The following MYO15A variants were observed in gnomAD, a reference collection of about 807,000 sequenced individuals.
MYO15A encodes myosin XVA, also known as unconventional myosin-XV.
A neutral mutation model predicts 394.6 loss-of-function variants in MYO15A; 308 were observed. That is an observed-to-expected ratio of 0.78 (90% CI 0.71 to 0.86). The LOEUF is 0.86. MYO15A is among the 40% of genes least tolerant of loss of function. The pLI is 0.00. For synonymous variants in MYO15A, 1,957 were observed against 2,003.8 expected (o/e 0.98, Z 0.62); for missense variants, 4,606 against 4,799.1 (o/e 0.96, Z 1.19).
At chr17:18,139,219 A>G in intron 18 of MYO15A, 1 of 606,914 alleles carries the variant, frequency 1.6e-6, no homozygotes, top group Non-Finnish European at 3.0e-6. Flanking sequence ...CACTATGGTC[A>G]CCCTCATCAC....
intron 2 of MYO15A, 186 bp downstream of exon 2, chr17:18,122,595 G>A (rs1342940154): frequency 3.4e-6 from 3 of 876,198 alleles, no homozygotes; most frequent in South Asian, 3.7e-5. Flanking sequence ...TGAACAAGGG[G>A]ATGCCCAGCA....
At chr17:18,142,378 G>A in intron 24 of MYO15A, 124 bp downstream of exon 24, 2 of 1,162,374 alleles carry the variant, frequency 1.7e-6, no homozygotes, top group Non-Finnish European at 2.5e-6. Flanking sequence ...GGAGGCCTCT[G>A]CAGGAGAATG....
intron 13 of MYO15A, 44 bp from the exon 14 acceptor site, chr17:18,136,373 G>A: frequency 6.2e-7 from 1 of 1,612,378 alleles, no homozygotes; most frequent in African/African-American, 1.3e-5. Flanking sequence ...TCCGGAGGCA[G>A]AGTGGCCAGC....
chr17:18,178,939 C>G lies in MYO15A; in HGVS notation c.*69C>G. 1 of 1,494,308 alleles carries G rather than the reference C, an allele frequency of 6.7e-7. No individual in the cohort carries two copies. The highest frequency in any genetic ancestry group is 9.2e-7 in the Non-Finnish European group (1 of 1,087,950). The allele number at this position is 1,494,308 out of a possible 1,614,324, so 92.6% of individuals were successfully genotyped here. ...GTGTGGCCTCAGAGAAATCACTGAA[C>G]CTCTCAGGATCAATGACCCCTGTAA... On this transcript the variant is annotated 3_prime_UTR_variant, in exon 66 of 66. Transcript: ENST00000647165.
At chr17:18,166,664 A>C (rs540371043) in intron 61 of MYO15A, 143 bp downstream of exon 61, 6 of 1,167,400 alleles carry the variant, frequency 5.1e-6, no homozygotes, top group South Asian at 3.9e-5. Context: ...CTGCTCCCCT[A>C]TGTGGTCTCT....
intron 1 of MYO15A, among the ~76,000 whole-genome samples, chr17:18,118,131 G>A (rs1380184707): frequency 1.3e-5 from 2 of 151,844 alleles, no homozygotes; most frequent in Non-Finnish European, 2.9e-5. Flanking sequence ...CTTCTGAGCC[G>A]GCAGCCTGGC....
At chr17:18,174,084 C>T (rs964658019) in intron 65 of MYO15A, among the ~76,000 whole-genome samples, 163 bp downstream of exon 65, 1 of 152,196 alleles carries the variant, frequency 6.6e-6, no homozygotes, top group Non-Finnish European at 1.5e-5. Flanking sequence ...TATGGGTGGC[C>T]ATCCAGGGAA....
In MYO15A at chr17:18,119,914, T is replaced by C. The variant is rs753201327; in HGVS notation, c.1114T>C (p.Tyr372His). ...TPYDVPYFDP[Y>H]GVHYTVPYAE... ...CTACGATGTACCCTACTTTGATCCC[T>C]ACGGAGTCCACTACACCGTCCCCTA... is the stretch of plus-strand genomic sequence containing the variant. The change falls in exon 2 of 66, where the codon TAC becomes CAC. Residue 372 changes from tyrosine (Y) to histidine (H), a missense_variant. Physicochemically the swap from Tyr to His is moderately conservative, Grantham distance 83 (BLOSUM62 2). This residue lies in a region of MYO15A where 1,830 missense variants were observed against 1,689.7 expected (regional missense o/e 1.08). Coordinates refer to ENST00000647165, the MANE Select transcript of MYO15A (RefSeq NM_016239.4). The C allele has an allele frequency of 5.6e-6, 9 of 1,613,330 alleles. No individual in the cohort carries two copies. The highest frequency in any genetic ancestry group is 3.3e-5 in the Admixed American group (2 of 60,004).
intron 7 of MYO15A, among the ~76,000 whole-genome samples, chr17:18,127,818 T>C (rs2046077555): frequency 9.0e-6 from 1 of 111,350 alleles, no homozygotes; most frequent in African/African-American, 3.4e-5. Context: ...GTGGTGGAGG[T>C]GGGAAGAAAA....
chr17:18,157,091 G>A, intron 49 of MYO15A, 26 bp downstream of exon 49: 1 of 1,613,138 alleles, frequency 6.2e-7, no homozygotes, highest in East Asian at 2.2e-5. Flanking sequence ...GTGGGCTGGG[G>A]GCAGGAGGGG....
In MYO15A at chr17:18,144,512, AT is replaced by A; in HGVS notation, c.6194del (p.Met2065SerfsTer2). ...TGTGTCTTAGGAACCTGCCTTTGGG[AT>A]GCTGACAGTGCCCCTGAGGACACCC... ...QCHFKEPAFG[M>X]LTVPLRTPLT... On this transcript the variant is annotated frameshift_variant, in exon 29 of 66. Coordinates refer to ENST00000647165, the MANE Select transcript of MYO15A (RefSeq NM_016239.4). LOFTEE classifies it high-confidence loss of function. 1.1e-5 allele frequency: 17 copies of A among 1,613,370 alleles called. No homozygotes were observed. Among genetic ancestry groups the A allele is most frequent in the Non-Finnish European group, 1.4e-5 (17 of 1,179,998 alleles).
chr17:18,162,812 C>T, intron 58 of MYO15A, 133 bp downstream of exon 58: 1 of 900,452 alleles, frequency 1.1e-6, no homozygotes, highest in Non-Finnish European at 1.8e-6. Flanking sequence ...CCAGCCTGGC[C>T]AACATGGTGA....
chr17:18,141,911 G>A (rs1236646940), intron 23 of MYO15A, 141 bp downstream of exon 23: 1 of 1,192,980 alleles, frequency 8.4e-7, no homozygotes, highest in East Asian at 2.3e-5. Context: ...CTAACTACCT[G>A]ATTCACCAGC....
intron 21 of MYO15A, 44 bp downstream of exon 21, chr17:18,140,876 C>A: frequency 6.2e-7 from 1 of 1,613,678 alleles, no homozygotes; most frequent in South Asian, 1.1e-5. Flanking sequence ...ATCCTCCTGC[C>A]CATGCTGTGT....
chr17:18,171,834 G>T, intron 63 of MYO15A, 63 bp downstream of exon 63: 1 of 1,568,900 alleles, frequency 6.4e-7, no homozygotes, highest in East Asian at 2.3e-5. Flanking sequence ...TGGTCATGGA[G>T]GATGGGTATG....
At position 18,121,939 on chromosome 17, in the gene MYO15A, C is replaced by T. The variant is rs1208928583; in HGVS notation, c.3139C>T (p.Pro1047Ser). The T allele has an allele frequency of 6.2e-7, 1 of 1,613,418 alleles. No homozygotes were observed. The highest frequency in any genetic ancestry group is 1.1e-5 in the South Asian group (1 of 91,086). The change falls in exon 2 of 66, where the codon CCC (proline) becomes TCC (serine). Residue 1047 changes from proline to serine, a missense_variant. Transcript: ENST00000647165. This position sits in a 1 kb window ranked among gnomAD's most constrained non-coding sequence, Gnocchi z 5.3. ...CACTCCCCCCAAGGATATCACTCCC[C>T]CCAAGGATGTCCTCCCAGAGCAAAA... Reference protein sequence around the residue: ...DVTPPKDITPPKDVLPEQKTL... With the variant: ...DVTPPKDITPSKDVLPEQKTL...
chr17:18,162,456 TG>T, intron 57 of MYO15A, 128 bp from the exon 58 acceptor site: 2 of 791,920 alleles, frequency 2.5e-6, no homozygotes, highest in Non-Finnish European at 2.1e-6. Flanking sequence ...AACTGTCAAA[TG>T]GGGGAGTAAA....
At position 18,141,135 on chromosome 17, in the gene MYO15A, C is replaced by T. The variant is rs753964219; in HGVS notation, c.5523C>T (p.Phe1841=). Residue 1841 remains phenylalanine (F), a synonymous_variant, in exon 22 of 66, where the codon TTC becomes TTT. Coordinates refer to ENST00000647165, the MANE Select transcript of MYO15A (RefSeq NM_016239.4). ...GFPVRLPFQG[F]IDRYCCLVAL... ...CAGTGCGCCTGCCTTTCCAGGGGTT[C>T]ATCGACAGGTATCTTGGTTACGGTA... is the stretch of plus-strand genomic sequence containing the variant. 6.2e-6 allele frequency: 10 copies of T among 1,613,582 alleles called. No homozygotes were observed. Among genetic ancestry groups the T allele is most frequent in the South Asian group, 5.5e-5 (5 of 91,082 alleles).
In MYO15A at chr17:18,162,602, G is replaced by A. The variant is rs918807464; in HGVS notation, c.9535G>A (p.Glu3179Lys). 8 of 1,614,036 alleles carry A rather than the reference G, an allele frequency of 5.0e-6. No homozygotes were observed. In the Admixed American group the frequency reaches 5.0e-5, roughly 10 times the overall value. ...TTCTGCAGGGATCGCCAAGGCCTGCGAGCAGAACCTGCAGAAAACCTTGCG... is the reference window on the plus strand; with the variant it reads ...TTCTGCAGGGATCGCCAAGGCCTGCAAGCAGAACCTGCAGAAAACCTTGCG... The part of the protein sequence containing the change: ...LPFQGIAKAC[E>K]QNLQKTLRFG... The change falls in exon 58 of 66, where the codon GAG (glutamate) becomes AAG (lysine). Residue 3179 changes from glutamate to lysine, a missense_variant. Transcript: ENST00000647165.
Sources: gnomAD v4.1 joint callset for allele counts (sites outside exome capture counted in the v4.1 genomes callset) on GRCh38, gnomAD v4.1.1 for gene constraint, gnomAD v4.1.1 regional missense constraint, Gnocchi (gnomAD v3.1) non-coding constraint, MANE v1.5 for transcripts, NCBI Gene and HGNC (gene_info 2026-07-23, HGNC 2026-07-21) for gene names.